Variants in RYR3 observed in about 807,000 individuals in gnomAD.
The protein encoded by RYR3 is ryanodine receptor 3.
A neutral mutation model predicts 584.3 loss-of-function variants in RYR3; 207 were observed. That is an observed-to-expected ratio of 0.35 (90% CI 0.32 to 0.40). The LOEUF (loss-of-function observed/expected upper bound fraction) is 0.40. RYR3 is among the 10% of genes least tolerant of loss of function. The pLI, the probability that RYR3 is intolerant of heterozygous loss-of-function variation, is 1.00. For missense variants in RYR3, 5,616 were observed against 6,089.2 expected, an observed-to-expected ratio of 0.92 and a Z score of 2.59; for synonymous variants, 2,416 against 2,248.5, an observed-to-expected ratio of 1.07 and a Z score of -2.11.
rs775796724 is a variant in RYR3, at chr15:33,311,460, C to T, written c.51+364C>T. Among the ~76,000 whole-genome samples, 7 of 152,194 alleles carry T rather than the reference C, an allele frequency of 4.6e-5. No homozygotes were observed. The highest frequency in any genetic ancestry group is 1.7e-4 in the African/African-American group (7 of 41,454). On this transcript the variant is annotated intron_variant, in intron 1 of 103. Coordinates refer to ENST00000634891, the MANE Select transcript of RYR3 (RefSeq NM_001036.6). The surrounding 1 kb of genome is among the most constrained non-coding windows in gnomAD (Gnocchi z 4.4). The stretch of plus-strand genomic sequence containing the variant: ...CCATAAGATCGGCGTTGGAAGCCCT[C>T]GCCCCGGGGTCGGCCCTCTGACACC...
At position 33,844,879 on chromosome 15, in the gene RYR3, A is replaced by G; in HGVS notation, c.13314A>G (p.Leu4438=). ...LLFYKVTEEP[L]EEETEDVANL... ...TGAGCCAGGTCACTGAAGAACCTTT[A>G]GAAGAAGAGACAGAGGATGTTGCAA... Residue 4438 remains leucine (L), a synonymous_variant, in exon 93 of 104, where the codon TTA becomes TTG. Coordinates refer to ENST00000634891, the MANE Select transcript of RYR3 (RefSeq NM_001036.6). 8.5e-7 allele frequency: 1 copy of G among 1,175,694 alleles called. No homozygotes were observed. The highest frequency in any genetic ancestry group is 1.2e-6 in the Non-Finnish European group (1 of 820,534). The allele number at this position is 1,175,694 out of a possible 1,614,324, so 72.8% of individuals were successfully genotyped here. A position where few individuals can be genotyped will look rare whatever the true frequency, so the allele number is the denominator to read the frequency against.
intron 19 of RYR3, 71 bp from the exon 20 acceptor site, chr15:33,623,736 T>C: frequency 8.5e-7 from 1 of 1,179,728 alleles, no homozygotes. Flanking sequence ...GGATTGATCT[T>C]TAATTTTCAC....
chr15:33,777,169 C>T (rs1230867368), intron 64 of RYR3, among the ~76,000 whole-genome samples: 6 of 152,194 alleles, frequency 3.9e-5, no homozygotes, highest in Non-Finnish European at 5.9e-5. Context: ...GCCTAGGCTA[C>T]GAAACAAGAA....
chr15:33,459,679 GTA>G (rs561601013), intron 1 of RYR3, among the ~76,000 whole-genome samples: 30 of 152,198 alleles, frequency 2.0e-4, no homozygotes, highest in African/African-American at 7.0e-4. Flanking sequence ...TGATGAAGTG[GTA>G]GACACCTGCC....
intron 94 of RYR3, chr15:33,851,401 T>C (rs1567321460): frequency 2.0e-5 from 3 of 152,260 alleles, no homozygotes; most frequent in Admixed American, 1.3e-4. Flanking sequence ...AGTAGGTGTA[T>C]AGTGGCACCT....
chr15:33,860,533 T>TATCA, intron 100 of RYR3, 62 bp from the exon 101 acceptor site: 1 of 984,252 alleles, frequency 1.0e-6, no homozygotes, highest in Middle Eastern at 2.1e-4. Context: ...CTTCTTCCTT[T>TATCA]ATCATTCCTC....
At chr15:33,788,482 C>T in intron 67 of RYR3, 24 bp downstream of exon 67, 1 of 1,607,296 alleles carries the variant, frequency 6.2e-7, no homozygotes, top group African/African-American at 1.3e-5. Flanking sequence ...CACTAGGAGC[C>T]TGTCTGCCCC....
intron 2 of RYR3, among the ~76,000 whole-genome samples, chr15:33,493,597 T>G (rs996798721): frequency 6.6e-6 from 1 of 152,224 alleles, no homozygotes; most frequent in African/African-American, 2.4e-5. Flanking sequence ...GGGTTCCAAC[T>G]TTTCACCTAT....
intron 1 of RYR3, among the ~76,000 whole-genome samples, chr15:33,317,300 C>T (rs79667526): frequency 0.028 from 4,197 of 152,248 alleles, 66 homozygotes; most frequent in Non-Finnish European, 0.037. Flanking sequence ...CATGTCTGCT[C>T]AGGGTGTTGG....
intron 1 of RYR3, among the ~76,000 whole-genome samples, chr15:33,440,341 G>A (rs1404581490): frequency 1.3e-5 from 2 of 152,160 alleles, no homozygotes; most frequent in Non-Finnish European, 2.9e-5. Flanking sequence ...TTTAAACAAG[G>A]AAGTACATAG....
At chr15:33,430,598 C>T (rs1470091293) in intron 1 of RYR3, among the ~76,000 whole-genome samples, 1 of 152,122 alleles carries the variant, frequency 6.6e-6, no homozygotes. Flanking sequence ...TATCTGAGGT[C>T]TACGGGCCAG....
chr15:33,693,416 A>G (rs1250698813), intron 38 of RYR3, among the ~76,000 whole-genome samples: 1 of 152,228 alleles, frequency 6.6e-6, no homozygotes, highest in African/African-American at 2.4e-5. Flanking sequence ...AGGCCCTCCT[A>G]CGCCCTGTGC....
At chr15:33,674,037 C>A (rs766955559) in intron 38 of RYR3, among the ~76,000 whole-genome samples, 2 of 152,176 alleles carry the variant, frequency 1.3e-5, no homozygotes, top group Non-Finnish European at 2.9e-5. Flanking sequence ...CCCTGCCACT[C>A]TTCTCCTAAT....
At chr15:33,555,911 C>T (rs1385649101) in intron 10 of RYR3, among the ~76,000 whole-genome samples, 2 of 152,144 alleles carry the variant, frequency 1.3e-5, no homozygotes, top group African/African-American at 4.8e-5. Flanking sequence ...TTATCAATGT[C>T]CTGTAGTGTG....
chr15:33,436,524 G>A (rs2045742806), intron 1 of RYR3, among the ~76,000 whole-genome samples: 2 of 135,050 alleles, frequency 1.5e-5, no homozygotes, highest in Admixed American at 1.6e-4. Context: ...TTTTTGAGAT[G>A]GAGTCTTGCT....
chr15:33,504,619 T>G (rs16971801), intron 3 of RYR3, among the ~76,000 whole-genome samples: 27,822 of 152,194 alleles, frequency 0.18, 2,738 homozygotes, highest in Middle Eastern at 0.32. Flanking sequence ...GTTGCCTGTT[T>G]TAAAATCCTT....
rs146432872 is a variant in RYR3, at chr15:33,417,055, A to C, written c.52-56364A>C. Among the ~76,000 whole-genome samples, 1,300 of 152,066 alleles carry C rather than the reference A, an allele frequency of 8.5e-3. 19 individuals carry two copies. The highest frequency in any genetic ancestry group is 0.011 in the Non-Finnish European group (738 of 67,952). On this transcript the variant is annotated intron_variant, in intron 1 of 103. Coordinates refer to ENST00000634891, the MANE Select transcript of RYR3 (RefSeq NM_001036.6). ...TTCAGTTCTATTCATGTATGTGTCT[A>C]TTTTTGTACCAGTACCATGCTATTT...
chr15:33,525,276 A>C (rs917334821), intron 3 of RYR3, among the ~76,000 whole-genome samples: 1 of 152,116 alleles, frequency 6.6e-6, no homozygotes, highest in African/African-American at 2.4e-5. Context: ...CTGTTTATGG[A>C]CTGTCTGTAT....
intron 58 of RYR3, among the ~76,000 whole-genome samples, chr15:33,756,053 T>A (rs1355378367): frequency 6.6e-6 from 1 of 152,192 alleles, no homozygotes; most frequent in Non-Finnish European, 1.5e-5. Context: ...GGATTACAGG[T>A]GTTAGCCATC....
Sources: gnomAD v4.1 joint callset for allele counts (sites outside exome capture counted in the v4.1 genomes callset) on GRCh38, gnomAD v4.1.1 for gene constraint, Gnocchi (gnomAD v3.1) non-coding constraint, MANE v1.5 for transcripts, NCBI Gene and HGNC (gene_info 2026-07-23, HGNC 2026-07-21) for gene names.